The following SCOC variants were observed in gnomAD, a reference collection of about 807,000 sequenced individuals.
SCOC encodes the protein short coiled-coil protein.
SCOC carries 7 observed loss-of-function variants against 9.9 expected under a neutral mutation model. The ratio of observed to expected loss-of-function variants is 0.71; its 90% CI spans 0.40 to 1.33. SCOC has a LOEUF of 1.33. SCOC is among the 40% of genes most tolerant of loss of function. The probability of loss-of-function intolerance (pLI) is 0.01; values close to 1 mark genes in which losing one functional copy is unlikely to be tolerated. For synonymous variants in SCOC, 19 were observed against 28.2 expected, an observed-to-expected ratio of 0.67 and a Z score of 1.03; for missense variants, 66 against 89.7, an observed-to-expected ratio of 0.74 and a Z score of 1.07.
chr4:140,281,688 C>T (rs999504416), intron 1 of SCOC, among the ~76,000 whole-genome samples: 3 of 152,178 alleles, frequency 2.0e-5, no homozygotes, highest in African/African-American at 7.2e-5. Flanking sequence ...AACTCAGGAC[C>T]ACCTGGGGCA....
intron 1 of SCOC, among the ~76,000 whole-genome samples, chr4:140,279,031 C>G (rs537456965): frequency 5.1e-4 from 77 of 152,308 alleles, no homozygotes; most frequent in African/African-American, 1.4e-3. Context: ...TACCTTTCCA[C>G]CTCATCTTGC....
At chr4:140,296,785 A>C (rs1431312986) in intron 1 of SCOC, among the ~76,000 whole-genome samples, 4 of 152,164 alleles carry the variant, frequency 2.6e-5, no homozygotes, top group Admixed American at 2.0e-4. Context: ...GAAAAAAAAA[A>C]ACCTAATAAT....
chr4:140,268,032 T>C (rs750504311), intron 1 of SCOC, among the ~76,000 whole-genome samples: 3 of 152,208 alleles, frequency 2.0e-5, no homozygotes, highest in African/African-American at 4.8e-5. Flanking sequence ...GTGGCTTACT[T>C]GACCCCATTC....
chr4:140,366,757 C>T, intron 2 of SCOC: 12 of 1,507,448 alleles, frequency 8.0e-6, no homozygotes, highest in Non-Finnish European at 1.0e-5. Context: ...AACCAAAGCC[C>T]TGTTTTGATC....
intron 1 of SCOC, among the ~76,000 whole-genome samples, chr4:140,378,695 T>C (rs1283504559): frequency 6.6e-6 from 1 of 152,200 alleles, no homozygotes; most frequent in African/African-American, 2.4e-5. Context: ...TTTATGTATA[T>C]AACTTTCTTT....
upstream of SCOC, among the ~76,000 whole-genome samples, chr4:140,369,064 T>A (rs1193604516): frequency 6.6e-6 from 1 of 152,200 alleles, no homozygotes; most frequent in Admixed American, 6.5e-5. Context: ...GAAAAAACTC[T>A]AAAAGTACAT....
intron 1 of SCOC, among the ~76,000 whole-genome samples, chr4:140,320,304 CATGA>C (rs1732462247): frequency 5.3e-5 from 8 of 152,178 alleles, no homozygotes. Flanking sequence ...AAAGGGGAGG[CATGA>C]ATAACCCACC....
chr4:140,341,308 T>G (rs1294149319), upstream of SCOC, among the ~76,000 whole-genome samples: 1 of 152,222 alleles, frequency 6.6e-6, no homozygotes, highest in Non-Finnish European at 1.5e-5. Context: ...ACTCTTCTCT[T>G]GCATGCCCTC....
intron 2 of SCOC, among the ~76,000 whole-genome samples, chr4:140,346,706 T>C (rs1726754597): frequency 6.6e-6 from 1 of 152,284 alleles, no homozygotes; most frequent in South Asian, 2.1e-4. Flanking sequence ...TAAATTTACT[T>C]GTACGTGAGT....
intron 1 of SCOC, among the ~76,000 whole-genome samples, chr4:140,282,941 C>G (rs996919430): frequency 6.6e-6 from 1 of 152,188 alleles, no homozygotes; most frequent in Non-Finnish European, 1.5e-5. Context: ...AAAATTTGCT[C>G]TTTGAAATCA....
chr4:140,381,132 A>T lies in SCOC; in HGVS notation c.*28A>T, dbSNP rs1012590035. ...GATTGACACCCTTCTGTTTTATGGA[A>T]TTGCTGCTGATCATTTTTTCTTTAA... On this transcript the variant is annotated 3_prime_UTR_variant, in exon 4 of 4. Coordinates refer to ENST00000608372, the MANE Select transcript of SCOC (RefSeq NM_001153484.2). 6.5e-7 allele frequency: 1 copy of T among 1,548,142 alleles called. No individual in the cohort carries two copies.
intron 1 of SCOC, among the ~76,000 whole-genome samples, chr4:140,322,070 C>T (rs765491944): frequency 3.9e-5 from 6 of 152,128 alleles, no homozygotes; most frequent in Non-Finnish European, 8.8e-5. Flanking sequence ...CTTGGACTTG[C>T]CAACCTCTAG....
At chr4:140,306,022 T>C (rs1170486466) in intron 1 of SCOC, among the ~76,000 whole-genome samples, 1 of 152,152 alleles carries the variant, frequency 6.6e-6, no homozygotes, top group East Asian at 1.9e-4. Context: ...TTATAACACA[T>C]CTATATGCTA....
At position 140,373,720 on chromosome 4, in the gene SCOC, G is replaced by A. The variant is rs1192780919; in HGVS notation, c.-51+3G>A. 6 of 1,546,056 alleles carry A rather than the reference G, an allele frequency of 3.9e-6. No homozygotes were observed. The African/African-American group carries it at 6.9e-5, about 18-fold the overall frequency. On this transcript the variant is annotated splice_donor_region_variant and intron_variant, in intron 1 of 3. Transcript: ENST00000608372. ...TCTCCCGGCGCCTCAAGCGGAAGGT[G>A]AGGGCCGTCCCGGGCAGCGGAGGGC...
intron 1 of SCOC, among the ~76,000 whole-genome samples, chr4:140,287,648 G>T (rs1048967602): frequency 2.0e-5 from 3 of 151,904 alleles, no homozygotes; most frequent in Admixed American, 2.0e-4. Context: ...CACAGAGTAT[G>T]CAGGTACATA....
chr4:140,360,977 G>C (rs1384564095), intron 2 of SCOC: 2 of 151,600 alleles, frequency 1.3e-5, no homozygotes, highest in African/African-American at 2.4e-5. Context: ...TTAAGATACT[G>C]TATAAAGAAG....
chr4:140,287,306 C>T (rs1731311500), intron 1 of SCOC, among the ~76,000 whole-genome samples: 1 of 150,314 alleles, frequency 6.7e-6, no homozygotes, highest in Admixed American at 6.6e-5. Context: ...CACATAGATA[C>T]CATACACCAC....
At chr4:140,367,151 G>T (rs996736669) in intron 2 of SCOC, among the ~76,000 whole-genome samples, 13 of 151,918 alleles carry the variant, frequency 8.6e-5, no homozygotes, top group African/African-American at 3.1e-4. Context: ...GTTGCAGTCA[G>T]CCAAAATCGC....
At chr4:140,362,949 G>T (rs142956632) in intron 2 of SCOC, 1 of 152,188 alleles carries the variant, frequency 6.6e-6, no homozygotes, top group Non-Finnish European at 1.5e-5. Context: ...GGTATGCCAA[G>T]AATACAGTCA....
Sources: allele counts gnomAD v4.1 joint callset (sites outside exome capture counted in the v4.1 genomes callset), GRCh38; gene constraint gnomAD v4.1.1; transcripts MANE v1.5; gene names NCBI Gene and HGNC (gene_info 2026-07-23, HGNC 2026-07-21).